Variants in CNOT6L observed in about 807,000 individuals in gnomAD.
CNOT6L encodes CCR4-NOT transcription complex subunit 6-like.
A neutral mutation model predicts 64.0 loss-of-function variants in CNOT6L; 7 were observed. The observed-to-expected ratio is 0.11, with a 90% confidence interval of 0.06 to 0.21. CNOT6L has a LOEUF of 0.21. CNOT6L is among the 10% of genes least tolerant of loss of function. The probability of loss-of-function intolerance (pLI) is 1.00; values close to 1 mark genes in which losing one functional copy is unlikely to be tolerated. For synonymous variants in CNOT6L, 193 were observed against 243.4 expected, an observed-to-expected ratio of 0.79 and a Z score of 1.93; for missense variants, 245 against 669.0, an observed-to-expected ratio of 0.37 and a Z score of 6.99.
chr4:77,772,026 T>C (rs1228127246), intron 4 of CNOT6L, among the ~76,000 whole-genome samples: 1 of 152,218 alleles, frequency 6.6e-6, no homozygotes, highest in African/African-American at 2.4e-5. Flanking sequence ...AGTATGCCTT[T>C]CATCCCAAAT....
At position 77,726,203 on chromosome 4, in the gene CNOT6L, G is replaced by C; in HGVS notation, c.1419C>G (p.Asn473Lys). 2 of 1,613,852 alleles carry C rather than the reference G, an allele frequency of 1.2e-6. No homozygotes were observed. The highest frequency in any genetic ancestry group is 8.5e-7 in the Non-Finnish European group (1 of 1,179,784). ...GFQLKSAYEN[N>K]LMPYTNYTFD... is the part of the protein sequence containing the mutation. ...AGGTGTAATTGGTGTAAGGCATCAA[G>C]TTATTTTCATAGGCGCTCTTAAGTT... The change falls in exon 11 of 12, where the codon AAC becomes AAG. Residue 473 changes from asparagine (N) to lysine (K), a missense_variant. Physicochemically the swap from Asn to Lys is moderately conservative, Grantham distance 94. Around this residue, in one of 10 missense-constraint regions of CNOT6L, gnomAD observed 8 missense variants for 47.1 expected, o/e 0.17. Transcript: ENST00000504123.
intron 2 of CNOT6L, among the ~76,000 whole-genome samples, 187 bp from the exon 3 acceptor site, chr4:77,774,903 C>A (rs924037887): frequency 6.6e-6 from 1 of 152,158 alleles, no homozygotes; most frequent in African/African-American, 2.4e-5. Flanking sequence ...TACGTTCATG[C>A]CACTTTCACC....
At chr4:77,797,278 T>C (rs941519245) in intron 1 of CNOT6L, among the ~76,000 whole-genome samples, 1 of 151,910 alleles carries the variant, frequency 6.6e-6, no homozygotes, top group Admixed American at 6.6e-5. Context: ...CTGTCCCTTA[T>C]CTACAGTTTC....
intron 1 of CNOT6L, among the ~76,000 whole-genome samples, chr4:77,780,627 T>A (rs941061565): frequency 5.3e-5 from 8 of 152,226 alleles, no homozygotes; most frequent in Non-Finnish European, 8.8e-5. Flanking sequence ...CCATCAGTCC[T>A]AGATAAGGAA....
intron 4 of CNOT6L, among the ~76,000 whole-genome samples, chr4:77,765,051 T>A (rs549856992): frequency 6.6e-6 from 1 of 152,276 alleles, no homozygotes; most frequent in Non-Finnish European, 1.5e-5. Flanking sequence ...ATACAGGTCA[T>A]AAAGACTTCG....
intron 4 of CNOT6L, among the ~76,000 whole-genome samples, chr4:77,766,567 A>T (rs1726844471): frequency 6.6e-6 from 1 of 151,922 alleles, no homozygotes; most frequent in Non-Finnish European, 1.5e-5. Flanking sequence ...CATAATTTTC[A>T]GCAGATGAAA....
chr4:77,769,012 G>T (rs1727219583), intron 4 of CNOT6L, among the ~76,000 whole-genome samples: 1 of 152,022 alleles, frequency 6.6e-6, no homozygotes, highest in African/African-American at 2.4e-5. Flanking sequence ...AAACAAAAAT[G>T]GAACCAACCT....
intron 8 of CNOT6L, among the ~76,000 whole-genome samples, chr4:77,738,112 G>A (rs1018842917): frequency 6.6e-5 from 10 of 152,078 alleles, no homozygotes; most frequent in Non-Finnish European, 1.5e-4. Flanking sequence ...GCCTTACCTG[G>A]TACCTCTGAG....
intron 4 of CNOT6L, among the ~76,000 whole-genome samples, chr4:77,760,896 A>C (rs1013171896): frequency 3.1e-5 from 1 of 31,790 alleles, no homozygotes; most frequent in Non-Finnish European, 6.9e-5. Context: ...TTTTTTTTTT[A>C]AGGAAGAGAC....
chr4:77,733,605 T>C (rs1009659119), intron 8 of CNOT6L, among the ~76,000 whole-genome samples: 1 of 152,058 alleles, frequency 6.6e-6, no homozygotes, highest in Non-Finnish European at 1.5e-5. Flanking sequence ...AAAAATCCTG[T>C]TAATTATAAT....
intron 1 of CNOT6L, among the ~76,000 whole-genome samples, chr4:77,785,492 G>A (rs1418095917): frequency 6.6e-6 from 1 of 151,170 alleles, no homozygotes; most frequent in Non-Finnish European, 1.5e-5. Flanking sequence ...CAGGGTTTAA[G>A]AATAAATATT....
chr4:77,787,661 A>G (rs975033516), intron 1 of CNOT6L, among the ~76,000 whole-genome samples: 1 of 152,190 alleles, frequency 6.6e-6, no homozygotes, highest in African/African-American at 2.4e-5. Context: ...GAATCCACTT[A>G]AAGGAGACTA....
chr4:77,773,165 C>A lies in CNOT6L; in HGVS notation c.316G>T (p.Glu106Ter). 2 of 1,547,348 alleles carry A rather than the reference C, an allele frequency of 1.3e-6. No individual in the cohort carries two copies. Among genetic ancestry groups the A allele is most frequent in the South Asian group, 1.2e-5 (1 of 81,324 alleles). Residue 106 changes from glutamate (E) to a stop codon, truncating the protein, a stop_gained and splice_region_variant, in exon 4 of 12, where the codon GAA becomes TAA. Transcript: ENST00000504123. LOFTEE classifies it high-confidence loss of function. ...AELGNMVSLR[E>*]LLLNNNLLRV... ...AACAGATTGTTATTTAAAAGCAATT[C>A]CCTGTTTTAAAAAAAAAAAAAAAAT...
chr4:77,784,027 T>C (rs950304841), intron 1 of CNOT6L, among the ~76,000 whole-genome samples: 2 of 152,054 alleles, frequency 1.3e-5, no homozygotes, highest in Non-Finnish European at 2.9e-5. Context: ...TTGGTTGTTA[T>C]ACATCTTTCC....
rs150968707 is a variant in CNOT6L at position 77,720,765 on chromosome 4, G to A, written c.1456-122C>T. The stretch of plus-strand genomic sequence containing the variant: ...TCTGGTACCTGTTGTCTTGATAGTG[G>A]GTCAAATAAGGCTCAAATATTCAAT... On this transcript the variant is annotated intron_variant, in intron 11 of 11. Transcript: ENST00000504123. The A allele has an allele frequency of 1.5e-3, 1,344 of 870,458 alleles. 16 individuals are homozygous for A. The African/African-American group carries it at 0.02, about 13-fold the overall frequency. The allele number at this position is 870,458 out of a possible 1,614,324, so 53.9% of individuals were successfully genotyped here.
chr4:77,792,725 TAAAAA>T (rs77060039), intron 1 of CNOT6L, among the ~76,000 whole-genome samples: 1 of 124,116 alleles, frequency 8.1e-6, no homozygotes, highest in Non-Finnish European at 1.6e-5. Context: ...GACTCTGCCT[TAAAAA>T]AAAAAAAAAA....
In CNOT6L at chr4:77,793,919, G is replaced by A. The variant is rs1171497595; in HGVS notation, c.6-17527C>T. On this transcript the variant is annotated intron_variant, in intron 1 of 11. Transcript: ENST00000504123. ...TAATCCCAGCACTATGGGAAGCTGCGGCGGGTAGATCAACTGAGGTCAGGG... is the reference window on the plus strand; with the variant it reads ...TAATCCCAGCACTATGGGAAGCTGCAGCGGGTAGATCAACTGAGGTCAGGG... Among the ~76,000 whole-genome samples the A allele has an allele frequency of 5.3e-5, 8 of 151,838 alleles. No homozygotes were observed. In the East Asian group the frequency reaches 5.8e-4, roughly 11 times the overall value.
chr4:77,731,643 G>C, intron 8 of CNOT6L, 105 bp from the exon 9 acceptor site: 1 of 837,690 alleles, frequency 1.2e-6, no homozygotes, highest in South Asian at 1.9e-5. Context: ...TTTTCTAGCT[G>C]CAAGTGACCA....
At chr4:77,767,644 A>C (rs1480515116) in intron 4 of CNOT6L, among the ~76,000 whole-genome samples, 1 of 152,124 alleles carries the variant, frequency 6.6e-6, no homozygotes, top group Non-Finnish European at 1.5e-5. Flanking sequence ...AAACAAAATT[A>C]AATTCCTCAC....
Sources: gnomAD v4.1 joint callset for allele counts (sites outside exome capture counted in the v4.1 genomes callset) on GRCh38, gnomAD v4.1.1 for gene constraint, gnomAD v4.1.1 regional missense constraint, MANE v1.5 for transcripts, NCBI Gene and HGNC (gene_info 2026-07-23, HGNC 2026-07-21) for gene names.